Variants in ZNF92 observed in about 807,000 individuals in gnomAD.
The protein encoded by ZNF92 is zinc finger protein 92.
ZNF92 carries 11 observed loss-of-function variants against 12.4 expected under a neutral mutation model. The ratio of observed to expected loss-of-function variants is 0.89; its 90% confidence interval spans 0.56 to 1.47. ZNF92 has a LOEUF of 1.47. ZNF92 is among the 40% of genes most tolerant of loss of function. The pLI is 0.00. For missense variants in ZNF92, 622 were observed against 681.0 expected (o/e 0.91, Z 0.96); for synonymous variants, 206 against 228.6 (o/e 0.90, Z 0.89).
chr7:65,398,930 TA>T lies in ZNF92; in HGVS notation c.817del (p.Thr273LeufsTer61), dbSNP rs1793926632. Reference protein sequence around the residue: ...GKAFNRSSTLTKHKRIHTEEK... With the variant: ...GKAFNRSSTLXKHKRIHTEEK... ...AAGCTTTTAACCGGTCCTCAACCCT[TA>T]CTAAACATAAAAGAATTCATACAGA... On this transcript the variant is annotated frameshift_variant, in exon 4 of 4. Coordinates refer to ENST00000328747, the MANE Select transcript of ZNF92 (RefSeq NM_152626.4). LOFTEE classifies it low-confidence loss of function (END_TRUNC). The T allele has an allele frequency of 6.2e-7, 1 of 1,613,078 alleles. No individual in the cohort carries two copies. Among genetic ancestry groups the T allele is most frequent in the Admixed American group, 1.7e-5 (1 of 59,950 alleles).
chr7:65,384,853 C>T (rs573139338), intron 1 of ZNF92, among the ~76,000 whole-genome samples: 11 of 152,134 alleles, frequency 7.2e-5, no homozygotes, highest in Non-Finnish European at 1.5e-4. Context: ...TGTTTTATTC[C>T]TAGCAGTACT....
chr7:65,388,851 GA>G lies in ZNF92; in HGVS notation c.180del (p.Glu61SerfsTer5). On this transcript the variant is annotated frameshift_variant, in exon 3 of 4. Transcript: ENST00000328747. LOFTEE classifies it low-confidence loss of function (END_TRUNC). ...KPDLITWLEQ[G>X]KEPWNLKRHE... ...GACCTGATCACCTGGCTGGAGCAAG[GA>G]AAAGAGCCCTGGAATCTGAAGAGAC... 2.5e-6 allele frequency: 4 copies of G among 1,582,862 alleles called. No individual in the cohort carries two copies. Among genetic ancestry groups the G allele is most frequent in the Non-Finnish European group, 3.4e-6 (4 of 1,162,600 alleles).
Position 65,377,903 on chromosome 7 carries a change from T to C in ZNF92, c.3+3903T>C, listed in dbSNP as rs186642081. 1.0e-3 allele frequency among the ~76,000 whole-genome samples: 156 copies of C among 152,280 alleles called. 1 individual carries two copies. Among genetic ancestry groups the C allele is most frequent in the South Asian group, 1.9e-3 (9 of 4,826 alleles). On this transcript the variant is annotated intron_variant, in intron 1 of 3. Transcript: ENST00000328747. ...CTAAAATAAAACAAAGTTAGAATTA[T>C]GTAAAAACATTTGAATTCCAAAGGA... is the stretch of plus-strand genomic sequence containing the variant.
At chr7:65,380,563 T>C (rs1290530793) in intron 1 of ZNF92, among the ~76,000 whole-genome samples, 1 of 152,140 alleles carries the variant, frequency 6.6e-6, no homozygotes, top group African/African-American at 2.4e-5. Context: ...TGAACCACTA[T>C]GCTCAACCAC....
At chr7:65,375,294 C>T (rs968879009) in intron 1 of ZNF92, among the ~76,000 whole-genome samples, 16 of 152,024 alleles carry the variant, frequency 1.1e-4, no homozygotes, top group Non-Finnish European at 4.4e-5. Context: ...GGGCAAGATA[C>T]CTACCATGGC....
chr7:65,380,359 T>C (rs1793372625), intron 1 of ZNF92, among the ~76,000 whole-genome samples: 1 of 152,074 alleles, frequency 6.6e-6, no homozygotes, highest in Non-Finnish European at 1.5e-5. Context: ...CTCAATCTCC[T>C]GGGCTCAAGC....
chr7:65,375,900 C>A (rs1293655116), intron 1 of ZNF92, among the ~76,000 whole-genome samples: 1 of 151,962 alleles, frequency 6.6e-6, no homozygotes, highest in Non-Finnish European at 1.5e-5. Flanking sequence ...AAGTAAAATA[C>A]ACCTGGGGTA....
rs760978624 is a variant in ZNF92, at chr7:65,387,907, A to G, written c.9A>G (p.Pro3=). 21 of 1,602,860 alleles carry G rather than the reference A, an allele frequency of 1.3e-5. 1 individual carries two copies. The highest frequency in any genetic ancestry group is 2.2e-5 in the East Asian group (1 of 44,494). ...TGTGTGTGTGTGTTTTTCAGGGACC[A>G]CTGACATTTAGGGATGTGAAAATAG... MG[P]LTFRDVKIEF... Residue 3 remains proline, a synonymous_variant, in exon 2 of 4, where the codon CCA becomes CCG. Transcript: ENST00000328747.
rs1201058352 is a variant in ZNF92 at position 65,399,070 on chromosome 7, G to A, written c.956G>A (p.Gly319Asp). Residue 319 changes from glycine (G) to aspartate (D), a missense_variant, in exon 4 of 4, where the codon GGC becomes GAC. By Grantham distance (94) the Gly-to-Asp change is moderately conservative. Transcript: ENST00000328747. ...AAACCCTACAAATGTGAAGAATGTG[G>A]CAAAGCCTTTAGAGTATTCTCAATT... is the stretch of plus-strand genomic sequence containing the variant. Reference protein sequence around the residue: ...EDKPYKCEECGKAFRVFSILK... With the variant: ...EDKPYKCEECDKAFRVFSILK... 1.2e-6 allele frequency: 2 copies of A among 1,613,194 alleles called. No individual in the cohort carries two copies. The highest frequency in any genetic ancestry group is 1.6e-4 in the Middle Eastern group (1 of 6,062).
At position 65,400,183 on chromosome 7, in the gene ZNF92, C is replaced by T. The variant is rs550446644; in HGVS notation, c.*308C>T. The T allele has an allele frequency of 1.3e-4, 27 of 200,532 alleles. 1 individual carries two copies. The highest frequency in any genetic ancestry group is 2.0e-3 in the Middle Eastern group (1 of 496). The allele number at this position is 200,532 out of a possible 1,614,324, so 12.4% of individuals were successfully genotyped here. The stretch of plus-strand genomic sequence containing the variant: ...TTCATACTTAATAAAATGCAATTAC[C>T]GTCAAATCTTTCAGAAAATATAAGC... On this transcript the variant is annotated 3_prime_UTR_variant, in exon 4 of 4. Transcript: ENST00000328747.
At chr7:65,395,241 G>A (rs1793816776) in intron 3 of ZNF92, among the ~76,000 whole-genome samples, 1 of 151,770 alleles carries the variant, frequency 6.6e-6, no homozygotes, top group Non-Finnish European at 1.5e-5. Context: ...CATTTGTAGG[G>A]ACAGATTCTC....
chr7:65,382,202 T>A (rs1793439323), intron 1 of ZNF92, among the ~76,000 whole-genome samples: 2 of 152,186 alleles, frequency 1.3e-5, no homozygotes, highest in South Asian at 4.2e-4. Flanking sequence ...GACTAATTAT[T>A]GTGACCGTCT....
At chr7:65,388,097 T>C (rs1221299777) in intron 2 of ZNF92, 69 bp downstream of exon 2, 14 of 1,498,972 alleles carry the variant, frequency 9.3e-6, no homozygotes, top group Non-Finnish European at 1.2e-5. Context: ...GTAAAATGTT[T>C]TTTGGTAATT....
intron 1 of ZNF92, among the ~76,000 whole-genome samples, chr7:65,379,973 G>T (rs1793361002): frequency 6.6e-6 from 1 of 151,980 alleles, no homozygotes; most frequent in Non-Finnish European, 1.5e-5. Flanking sequence ...GAGGTACTAA[G>T]CATAGAACCA....
In ZNF92 at chr7:65,399,708, A is replaced by G. The variant is rs542847888; in HGVS notation, c.1594A>G (p.Thr532Ala). 2.5e-6 allele frequency: 4 copies of G among 1,613,342 alleles called. No homozygotes were observed. In the Admixed American group the frequency reaches 5.0e-5, roughly 20 times the overall value. The change falls in exon 4 of 4, where the codon ACT becomes GCT. Residue 532 changes from threonine to alanine, a missense_variant. Transcript: ENST00000328747. ...CCTTACTGCACGTAAGATAATTTAT[A>G]CTGGAGAGAAACCCTACAAATATGA... ...SNLTARKIIY[T>A]GEKPYKYEEC...
At chr7:65,378,145 A>G (rs1158936831) in intron 1 of ZNF92, among the ~76,000 whole-genome samples, 1 of 151,626 alleles carries the variant, frequency 6.6e-6, no homozygotes, top group East Asian at 2.0e-4. Context: ...TAAAAGTACA[A>G]AAATCAGCTG....
At chr7:65,375,213 A>G (rs561161481) in intron 1 of ZNF92, among the ~76,000 whole-genome samples, 1 of 151,998 alleles carries the variant, frequency 6.6e-6, no homozygotes, top group Non-Finnish European at 1.5e-5. Flanking sequence ...TCCCTTTGGA[A>G]ACTTTATGGG....
In ZNF92 at chr7:65,379,834, C is replaced by A. The variant is rs74365369; in HGVS notation, c.3+5834C>A. On this transcript the variant is annotated intron_variant, in intron 1 of 3. Transcript: ENST00000328747. Reference sequence around the variant, plus strand: ...CTATCTGTAGCACAAACCAGTCTTTCCATCTACAGTGCACTCTCCCCCACC... The same window carrying A: ...CTATCTGTAGCACAAACCAGTCTTTACATCTACAGTGCACTCTCCCCCACC... Among the ~76,000 whole-genome samples, 1,468 of 152,202 alleles carry A rather than the reference C, an allele frequency of 9.6e-3. 24 individuals are homozygous for A. Among genetic ancestry groups the A allele is most frequent in the African/African-American group, 0.034 (1,393 of 41,524 alleles).
At chr7:65,391,965 C>G (rs988390505) in intron 3 of ZNF92, among the ~76,000 whole-genome samples, 4 of 151,986 alleles carry the variant, frequency 2.6e-5, no homozygotes, top group African/African-American at 7.2e-5. Context: ...GTAAACATTT[C>G]TTTTAATGTT....
Sources: allele counts gnomAD v4.1 joint callset (sites outside exome capture counted in the v4.1 genomes callset), GRCh38; gene constraint gnomAD v4.1.1; transcripts MANE v1.5; gene names NCBI Gene and HGNC (gene_info 2026-07-23, HGNC 2026-07-21).